Variants in PRKCZ observed in about 807,000 individuals in gnomAD.
The protein encoded by PRKCZ is protein kinase C zeta, also known as protein kinase C zeta type.
In PRKCZ, 33 loss-of-function variants were observed where a neutral mutation model predicts 79.5. The ratio of observed to expected loss-of-function variants is 0.41; its 90% CI spans 0.31 to 0.55. The LOEUF (loss-of-function observed/expected upper bound fraction) is 0.55. Ranked by LOEUF, PRKCZ falls within the 20% of genes least tolerant of loss-of-function variation. PRKCZ has a pLI of 0.19. For missense variants in PRKCZ, 578 were observed against 813.5 expected, an observed-to-expected ratio of 0.71 and a Z score of 3.52; for synonymous variants, 342 against 320.9, an observed-to-expected ratio of 1.07 and a Z score of -0.70.
At chr1:2,118,037 G>C (rs1290720501) in intron 4 of PRKCZ, among the ~76,000 whole-genome samples, 1 of 114,286 alleles carries the variant, frequency 8.7e-6, no homozygotes, top group African/African-American at 3.4e-5. Context: ...TGTCACCCAG[G>C]CTGGAGTGGA....
chr1:2,115,008 C>G (rs529713026), intron 4 of PRKCZ, among the ~76,000 whole-genome samples: 22 of 152,390 alleles, frequency 1.4e-4, no homozygotes, highest in African/African-American at 5.0e-4. Context: ...CATAGCTGAT[C>G]CGTGTGTAGC....
intron 4 of PRKCZ, among the ~76,000 whole-genome samples, chr1:2,084,431 AC>A (rs1664121527): frequency 6.6e-6 from 1 of 151,818 alleles, no homozygotes; most frequent in Admixed American, 6.6e-5. Flanking sequence ...GGTCTCTGGG[AC>A]CCCCAGGCAT....
intron 4 of PRKCZ, among the ~76,000 whole-genome samples, chr1:2,129,347 C>T (rs1017899537): frequency 6.6e-6 from 1 of 152,172 alleles, no homozygotes; most frequent in African/African-American, 2.4e-5. Context: ...AACGGAGGGG[C>T]GTCCTGCAGA....
At chr1:2,115,481 C>T (rs1423614625) in intron 4 of PRKCZ, among the ~76,000 whole-genome samples, 2 of 152,238 alleles carry the variant, frequency 1.3e-5, no homozygotes, top group Non-Finnish European at 2.9e-5. Flanking sequence ...CACCCACAGC[C>T]ACTCTGGCGC....
chr1:2,085,322 G>A (rs1404199585), intron 4 of PRKCZ, among the ~76,000 whole-genome samples: 1 of 152,232 alleles, frequency 6.6e-6, no homozygotes. Flanking sequence ...AGCTGGCCCC[G>A]AGCCAGCAGC....
rs908687644 is a variant in PRKCZ at position 2,181,201 on chromosome 1, A to G, written c.1576-3382A>G. 6.0e-4 allele frequency among the ~76,000 whole-genome samples: 91 copies of G among 151,470 alleles called. 3 individuals are homozygous for G. Among genetic ancestry groups the G allele is most frequent in the Non-Finnish European group, 1.8e-4 (12 of 67,934 alleles). On this transcript the variant is annotated intron_variant, in intron 16 of 17. Transcript: ENST00000378567. Reference sequence around the variant, plus strand: ...CCCTCAGCCCCTTCACTCGGGTCTCATGGGGCCCCTCTGTGGCCCCCAGCG... The same window carrying G: ...CCCTCAGCCCCTTCACTCGGGTCTCGTGGGGCCCCTCTGTGGCCCCCAGCG...
At chr1:2,123,752 GTAGT>G (rs1258889301) in intron 4 of PRKCZ, among the ~76,000 whole-genome samples, 1 of 31,226 alleles carries the variant, frequency 3.2e-5, no homozygotes, top group Non-Finnish European at 5.3e-5. Context: ...GGTCACGGTG[GTAGT>G]TAGGGTCACG....
chr1:2,107,636 G>T (rs1668815872), intron 4 of PRKCZ, among the ~76,000 whole-genome samples: 1 of 152,234 alleles, frequency 6.6e-6, no homozygotes, highest in Non-Finnish European at 1.5e-5. Context: ...GGGAGGATGA[G>T]CCCTGCGAGG....
chr1:2,148,821 T>C, intron 7 of PRKCZ, 51 bp from the exon 8 acceptor site: 2 of 1,579,474 alleles, frequency 1.3e-6, no homozygotes, highest in East Asian at 2.2e-5. Flanking sequence ...GTGTTCCCAG[T>C]GCGTTCCTGA....
intron 16 of PRKCZ, among the ~76,000 whole-genome samples, chr1:2,180,664 C>G (rs923612461): frequency 6.6e-6 from 1 of 152,186 alleles, no homozygotes; most frequent in Admixed American, 6.5e-5. Flanking sequence ...CATGGATGCA[C>G]GGACGACTCA....
Position 2,128,508 on chromosome 1 carries a change from C to G in PRKCZ, c.335-6754C>G, listed in dbSNP as rs1037412132. On this transcript the variant is annotated intron_variant, in intron 4 of 17. Transcript: ENST00000378567. This position sits in a 1 kb window ranked among gnomAD's most constrained non-coding sequence, Gnocchi z 6.5. ...CGAGATTGCCATGGAAACTGAGCTCCTTAGAATTCCTGTGGCCGTCCTAAT... is the reference window on the plus strand; with the variant it reads ...CGAGATTGCCATGGAAACTGAGCTCGTTAGAATTCCTGTGGCCGTCCTAAT... Among the ~76,000 whole-genome samples the G allele has an allele frequency of 3.9e-4, 59 of 152,360 alleles. No homozygotes were observed. The highest frequency in any genetic ancestry group is 1.4e-3 in the African/African-American group (59 of 41,582).
At chr1:2,054,384 T>G (rs1659961100) in intron 1 of PRKCZ, among the ~76,000 whole-genome samples, 1 of 152,040 alleles carries the variant, frequency 6.6e-6, no homozygotes, top group Admixed American at 6.6e-5. Context: ...GTCCCTCCCC[T>G]CCACGCAGGG....
In PRKCZ at chr1:2,102,772, C is replaced by T. The variant is rs771532487; in HGVS notation, c.335-32490C>T. On this transcript the variant is annotated intron_variant, in intron 4 of 17. Coordinates refer to ENST00000378567, the MANE Select transcript of PRKCZ (RefSeq NM_002744.6). ...CCTCCCCCAACCCCCAACTCTCCTG[C>T]GTCACGGATTGGTTCAGAACCAGGA... 1.3e-4 allele frequency among the ~76,000 whole-genome samples: 20 copies of T among 152,168 alleles called. 1 individual carries two copies. Among genetic ancestry groups the T allele is most frequent in the Non-Finnish European group, 4.4e-5 (3 of 68,048 alleles).
chr1:2,116,395 T>C (rs934982209), intron 4 of PRKCZ: 5 of 152,318 alleles, frequency 3.3e-5, no homozygotes, highest in Admixed American at 2.6e-4. Flanking sequence ...CATTTCAAAA[T>C]TGGGCTGTCA....
At position 2,096,920 on chromosome 1, in the gene PRKCZ, C is replaced by G. The variant is rs150486128; in HGVS notation, c.334+37329C>G. Among the ~76,000 whole-genome samples the G allele has an allele frequency of 8.9e-3, 1,355 of 152,336 alleles. 22 individuals are homozygous for G. Among genetic ancestry groups the G allele is most frequent in the African/African-American group, 0.031 (1,277 of 41,580 alleles). ...GCTGAACCTGAGACCTAGGAAACTC[C>G]AGGTGGGTCCTAACAGGGCTTGTCA... On this transcript the variant is annotated intron_variant, in intron 4 of 17. Transcript: ENST00000378567.
At chr1:2,103,833 G>A (rs1251290901) in intron 4 of PRKCZ, among the ~76,000 whole-genome samples, 2 of 152,178 alleles carry the variant, frequency 1.3e-5, no homozygotes, top group Non-Finnish European at 2.9e-5. Flanking sequence ...AGCTGCTGTG[G>A]TCTCTGGGGG....
At position 2,145,614 on chromosome 1, in the gene PRKCZ, CATAA is replaced by C. The variant is rs374737711; in HGVS notation, c.553-409_553-406del. On this transcript the variant is annotated intron_variant, in intron 6 of 17. Transcript: ENST00000378567. ...CATTGTAATGTGTAAATATGTAAAT[CATAA>C]ATAGTCTTGAAGTGGCCAGGTGCAG... 528 of 191,324 alleles carry C rather than the reference CATAA, an allele frequency of 2.8e-3. 4 individuals carry two copies. Among genetic ancestry groups the C allele is most frequent in the African/African-American group, 0.012 (492 of 42,312 alleles). 11.9% of individuals were successfully genotyped at this position (191,324 alleles called of 1,614,324 possible).
intron 4 of PRKCZ, among the ~76,000 whole-genome samples, chr1:2,072,998 A>G (rs1388801190): frequency 1.3e-5 from 2 of 152,092 alleles, no homozygotes; most frequent in Non-Finnish European, 2.9e-5. Flanking sequence ...CTCACTTGCC[A>G]GTGATGACCA....
chr1:2,098,927 CA>C (rs1266490304), intron 4 of PRKCZ, among the ~76,000 whole-genome samples: 1 of 152,178 alleles, frequency 6.6e-6, no homozygotes, highest in Non-Finnish European at 1.5e-5. Context: ...GTGATCCACC[CA>C]CCTCAGCCTC....
Sources: allele counts gnomAD v4.1 joint callset (sites outside exome capture counted in the v4.1 genomes callset), GRCh38; gene constraint gnomAD v4.1.1; non-coding constraint Gnocchi (gnomAD v3.1); transcripts MANE v1.5; gene names NCBI Gene and HGNC (gene_info 2026-07-23, HGNC 2026-07-21).